EYA2: variants seen among roughly 807,000 people sequenced by gnomAD.
EYA2 encodes the protein EYA transcriptional coactivator and phosphatase 2.
EYA2 carries 31 observed loss-of-function variants against 69.2 expected under a neutral mutation model. The observed-to-expected ratio is 0.45, with a 90% CI of 0.34 to 0.60. The LOEUF (loss-of-function observed/expected upper bound fraction) is 0.60, where lower values mean the gene tolerates loss of function less well. Ranked by LOEUF, EYA2 falls within the 20% of genes least tolerant of loss-of-function variation. The pLI is 0.02. For synonymous variants in EYA2, 257 were observed against 279.4 expected (o/e 0.92, Z 0.80); for missense variants, 622 against 701.2 (o/e 0.89, Z 1.28).
chr20:47,065,502 G>GA lies in EYA2; in HGVS notation c.416-6674dup, dbSNP rs984156788. On this transcript the variant is annotated intron_variant, in intron 5 of 15. Transcript: ENST00000327619. ...CATGGGAGGTGGGGCAATTAGGGGAGAAAAAAAAATTATAAAAGAACCCTG... is the reference window on the plus strand; with the variant it reads ...CATGGGAGGTGGGGCAATTAGGGGAGAAAAAAAAAATTATAAAAGAACCCTG... 8.1e-3 allele frequency among the ~76,000 whole-genome samples: 1,216 copies of GA among 149,822 alleles called. 19 individuals are homozygous for GA. The highest frequency in any genetic ancestry group is 0.028 in the African/African-American group (1,159 of 40,874).
intron 1 of EYA2, among the ~76,000 whole-genome samples, chr20:46,989,609 A>C (rs1981519254): frequency 6.6e-6 from 1 of 152,144 alleles, no homozygotes; most frequent in South Asian, 2.1e-4. Context: ...GTTCTCCCCA[A>C]GCCTCTGGCT....
intron 8 of EYA2, among the ~76,000 whole-genome samples, chr20:47,090,191 A>G (rs187733786): frequency 6.6e-6 from 1 of 151,034 alleles, no homozygotes; most frequent in African/African-American, 2.4e-5. Context: ...TCCTGTGTGC[A>G]GCTCAGGCTG....
At chr20:47,001,935 A>AT (rs375314942) in intron 3 of EYA2, among the ~76,000 whole-genome samples, 1,509 of 114,520 alleles carry the variant, frequency 0.013, 25 homozygotes, top group African/African-American at 0.046. Flanking sequence ...TCTCCCTTCT[A>AT]TTTTTTTTTT....
intron 4 of EYA2, among the ~76,000 whole-genome samples, chr20:47,010,595 C>G (rs1229391636): frequency 6.7e-6 from 1 of 150,248 alleles, no homozygotes; most frequent in Admixed American, 6.6e-5. Context: ...TGCCACTGCA[C>G]TCCAGCCTGG....
intron 9 of EYA2, among the ~76,000 whole-genome samples, chr20:47,104,780 G>C (rs1358284416): frequency 6.6e-6 from 1 of 152,134 alleles, no homozygotes; most frequent in Non-Finnish European, 1.5e-5. Flanking sequence ...CAGCACTCTG[G>C]GAGGTCCAGG....
chr20:47,131,363 G>A (rs112667728), intron 9 of EYA2, among the ~76,000 whole-genome samples: 3 of 152,146 alleles, frequency 2.0e-5, no homozygotes, highest in Admixed American at 1.3e-4. Flanking sequence ...CTGTCTAGGC[G>A]GAGGTGCCAC....
rs373399558 is a variant in EYA2, at chr20:46,897,890, T to C, written c.-11+2903T>C. ...ACAAAGATGCTTGGGGGAGAATCAA[T>C]TATAAGTATTAGGCAGTGTCTTCAG... On this transcript the variant is annotated intron_variant, in intron 1 of 15. Transcript: ENST00000327619. Among the ~76,000 whole-genome samples, 56 of 152,232 alleles carry C rather than the reference T, an allele frequency of 3.7e-4. No individual in the cohort carries two copies. In the East Asian group the frequency reaches 5.4e-3, roughly 15 times the overall value.
At chr20:46,910,068 C>T (rs559564780) in intron 1 of EYA2, among the ~76,000 whole-genome samples, 120 of 152,228 alleles carry the variant, frequency 7.9e-4, no homozygotes, top group African/African-American at 2.8e-3. Flanking sequence ...AAGGGTGGGT[C>T]ATCTGTATTT....
chr20:47,099,518 A>G (rs1444451156), intron 9 of EYA2, among the ~76,000 whole-genome samples: 1 of 152,182 alleles, frequency 6.6e-6, no homozygotes, highest in Non-Finnish European at 1.5e-5. Flanking sequence ...CCCTGTCTCA[A>G]TCAATCACTC....
chr20:47,187,957 A>T, intron 15 of EYA2, 96 bp from the exon 16 acceptor site: 1 of 1,324,952 alleles, frequency 7.5e-7, no homozygotes, highest in African/African-American at 1.4e-5. Context: ...TGCTAGACTT[A>T]ACTGGGTTGA....
At chr20:47,179,697 A>AT in intron 12 of EYA2, 101 bp from the exon 13 acceptor site, 1 of 764,146 alleles carries the variant, frequency 1.3e-6, no homozygotes, top group Non-Finnish European at 2.1e-6. Flanking sequence ...TTGTCATCTG[A>AT]TTTTAACCCT....
At chr20:47,108,514 T>C (rs560438165) in intron 9 of EYA2, among the ~76,000 whole-genome samples, 1 of 152,316 alleles carries the variant, frequency 6.6e-6, no homozygotes, top group East Asian at 1.9e-4. Flanking sequence ...GATATTCCTT[T>C]ATAGCAACAC....
At chr20:47,134,287 A>G (rs2033408460) in intron 9 of EYA2, among the ~76,000 whole-genome samples, 1 of 152,214 alleles carries the variant, frequency 6.6e-6, no homozygotes, top group Non-Finnish European at 1.5e-5. Flanking sequence ...AAAAGCCATG[A>G]CAGGGGTGGT....
chr20:47,100,274 A>G (rs1411358447), intron 9 of EYA2, among the ~76,000 whole-genome samples: 2 of 152,348 alleles, frequency 1.3e-5, no homozygotes, highest in African/African-American at 4.8e-5. Flanking sequence ...GCACAGACCA[A>G]AACAATCTAG....
intron 1 of EYA2, among the ~76,000 whole-genome samples, chr20:46,950,834 G>T (rs1344353956): frequency 6.6e-6 from 1 of 152,196 alleles, no homozygotes; most frequent in African/African-American, 2.4e-5. Flanking sequence ...GTTCATTTAA[G>T]AGGTGACTCC....
At chr20:47,049,863 C>A (rs902160185) in intron 5 of EYA2, among the ~76,000 whole-genome samples, 32 of 150,716 alleles carry the variant, frequency 2.1e-4, no homozygotes, top group Non-Finnish European at 3.7e-4. Context: ...GTGACAGACC[C>A]CCCCCCCACC....
chr20:47,043,103 A>G (rs1002669947), intron 5 of EYA2, among the ~76,000 whole-genome samples: 5 of 152,196 alleles, frequency 3.3e-5, no homozygotes, highest in Admixed American at 6.5e-5. Context: ...TTCCAGCTCT[A>G]TAGAGCTGTG....
intron 5 of EYA2, among the ~76,000 whole-genome samples, chr20:47,034,310 T>C (rs1984577120): frequency 6.6e-6 from 1 of 152,188 alleles, no homozygotes; most frequent in Non-Finnish European, 1.5e-5. Context: ...ATTATACGGA[T>C]AGGGCTTAGG....
chr20:46,936,809 C>G (rs994805080), intron 1 of EYA2, among the ~76,000 whole-genome samples: 7 of 152,118 alleles, frequency 4.6e-5, no homozygotes, highest in Non-Finnish European at 7.4e-5. Context: ...CCCAGAAGGC[C>G]ATCCCAGCTG....
Sources: allele counts gnomAD v4.1 joint callset (sites outside exome capture counted in the v4.1 genomes callset), GRCh38; gene constraint gnomAD v4.1.1; transcripts MANE v1.5; gene names NCBI Gene and HGNC (gene_info 2026-07-23, HGNC 2026-07-21).